The following AKAP6 variants were observed in gnomAD, a reference collection of about 807,000 sequenced individuals.
The protein encoded by AKAP6 is A-kinase anchoring protein 6, also known as A-kinase anchor protein 6.
In AKAP6, 58 loss-of-function variants were observed where a neutral mutation model predicts 188.5. The observed-to-expected ratio is 0.31, with a 90% CI of 0.25 to 0.38. AKAP6 has a LOEUF of 0.38. AKAP6 is among the 10% of genes least tolerant of loss of function. The pLI is 1.00. For synonymous variants in AKAP6, 989 were observed against 998.6 expected (o/e 0.99, Z 0.18); for missense variants, 2,710 against 2,740.0 (o/e 0.99, Z 0.24).
In AKAP6 at chr14:32,600,760, G is replaced by A; in HGVS notation, c.2698G>A (p.Val900Met). ...KAEILATDVS[V>M]EDEEGTGSPK... ...CGAGATACTGGCTACTGATGTGTCT[G>A]TGGAGGATGAGGAAGGGACTGGAAG... Residue 900 changes from valine to methionine, a missense_variant, in exon 7 of 14, where the codon GTG becomes ATG. Around this residue, in one of 2 missense-constraint regions of AKAP6, gnomAD observed 2,473 missense variants for 2,426.1 expected, o/e 1.02. Transcript: ENST00000280979. 3 of 1,611,838 alleles carry A rather than the reference G, an allele frequency of 1.9e-6. No homozygotes were observed. Among genetic ancestry groups the A allele is most frequent in the Non-Finnish European group, 2.5e-6 (3 of 1,179,008 alleles).
chr14:32,441,062 C>T (rs1048169061), intron 2 of AKAP6, among the ~76,000 whole-genome samples: 1 of 152,168 alleles, frequency 6.6e-6, no homozygotes, highest in Non-Finnish European at 1.5e-5. Context: ...TAAGCTCTCA[C>T]CAGACACAGA....
intron 12 of AKAP6, among the ~76,000 whole-genome samples, chr14:32,775,213 GATTATT>G (rs930320257): frequency 1.9e-4 from 29 of 152,076 alleles, no homozygotes; most frequent in Admixed American, 6.6e-5. Context: ...GGGCAGATGA[GATTATT>G]ATTATTACTT....
At chr14:32,337,035 A>ATCTGTTTT (rs1886727253) in intron 1 of AKAP6, among the ~76,000 whole-genome samples, 3 of 152,332 alleles carry the variant, frequency 2.0e-5, no homozygotes, top group African/African-American at 7.2e-5. Flanking sequence ...CTTGTATTTA[A>ATCTGTTTT]TCTGTTTTTG....
At chr14:32,637,561 A>C (rs1166071957) in intron 7 of AKAP6, among the ~76,000 whole-genome samples, 1 of 152,074 alleles carries the variant, frequency 6.6e-6, no homozygotes, top group Non-Finnish European at 1.5e-5. Flanking sequence ...ATGTGCAATC[A>C]AGTCAAGAGT....
At chr14:32,584,219 C>A (rs1885121910) in intron 5 of AKAP6, among the ~76,000 whole-genome samples, 1 of 152,176 alleles carries the variant, frequency 6.6e-6, no homozygotes, top group Non-Finnish European at 1.5e-5. Flanking sequence ...TCAGATAGCA[C>A]CACACCTCAT....
intron 12 of AKAP6, among the ~76,000 whole-genome samples, chr14:32,784,983 ATGAT>A (rs2033358246): frequency 6.6e-6 from 1 of 152,056 alleles, no homozygotes; most frequent in Non-Finnish European, 1.5e-5. Context: ...AATCATATAA[ATGAT>A]TGATAGCACA....
At chr14:32,376,984 C>G (rs1332870045) in intron 1 of AKAP6, among the ~76,000 whole-genome samples, 3 of 152,184 alleles carry the variant, frequency 2.0e-5, no homozygotes, top group African/African-American at 4.8e-5. Flanking sequence ...CATGAGCCAC[C>G]GCGCCCAGCC....
intron 11 of AKAP6, among the ~76,000 whole-genome samples, chr14:32,738,577 C>T (rs1462625352): frequency 6.6e-6 from 1 of 151,988 alleles, no homozygotes; most frequent in African/African-American, 2.4e-5. Flanking sequence ...ATTATGATGA[C>T]CTTCTTATAT....
intron 1 of AKAP6, among the ~76,000 whole-genome samples, chr14:32,382,002 T>C (rs1412953685): frequency 6.6e-6 from 1 of 152,238 alleles, no homozygotes; most frequent in Admixed American, 6.5e-5. Flanking sequence ...GGTGGAGTCC[T>C]GACTTATCTT....
chr14:32,721,462 T>C (rs1230437792), intron 9 of AKAP6, among the ~76,000 whole-genome samples: 1 of 152,202 alleles, frequency 6.6e-6, no homozygotes, highest in Non-Finnish European at 1.5e-5. Context: ...CCTAACCACA[T>C]AAATTCTATA....
intron 7 of AKAP6, among the ~76,000 whole-genome samples, chr14:32,620,333 T>C (rs1300994761): frequency 6.6e-6 from 1 of 152,140 alleles, no homozygotes; most frequent in Non-Finnish European, 1.5e-5. Flanking sequence ...TTCTGCGACA[T>C]GTTCCTTCTA....
chr14:32,364,413 A>G (rs780343311), intron 1 of AKAP6, among the ~76,000 whole-genome samples: 2 of 152,134 alleles, frequency 1.3e-5, no homozygotes, highest in Non-Finnish European at 2.9e-5. Context: ...AGAGTAGTCT[A>G]TCTGACTGTA....
At chr14:32,729,174 C>G (rs2031041419) in intron 9 of AKAP6, among the ~76,000 whole-genome samples, 1 of 152,030 alleles carries the variant, frequency 6.6e-6, no homozygotes, top group Admixed American at 6.6e-5. Flanking sequence ...ATACCAGTTT[C>G]AAAATGGCTT....
intron 2 of AKAP6, among the ~76,000 whole-genome samples, chr14:32,470,111 C>T (rs1020961911): frequency 6.6e-6 from 1 of 152,162 alleles, no homozygotes; most frequent in African/African-American, 2.4e-5. Context: ...CCACCCTCAA[C>T]AGAATCTTCA....
chr14:32,627,832 A>AT (rs966928081), intron 7 of AKAP6, among the ~76,000 whole-genome samples: 18 of 151,084 alleles, frequency 1.2e-4, no homozygotes, highest in East Asian at 5.8e-4. Flanking sequence ...TTAAGCTTTC[A>AT]TTTTTTTTTC....
At chr14:32,756,521 G>A (rs966361329) in intron 11 of AKAP6, among the ~76,000 whole-genome samples, 1 of 151,990 alleles carries the variant, frequency 6.6e-6, no homozygotes, top group African/African-American at 2.4e-5. Flanking sequence ...TCCATGAGGC[G>A]TTGGTCTGGA....
chr14:32,735,626 T>G, intron 10 of AKAP6, 32 bp from the exon 11 acceptor site: 1 of 1,484,250 alleles, frequency 6.7e-7, no homozygotes, highest in Non-Finnish European at 9.1e-7. Context: ...GTTTGTTTGT[T>G]TTATTTTTTG....
intron 12 of AKAP6, among the ~76,000 whole-genome samples, chr14:32,794,250 T>C (rs2033697359): frequency 1.3e-5 from 2 of 152,060 alleles, no homozygotes; most frequent in Non-Finnish European, 1.5e-5. Context: ...GGGTAAATAA[T>C]TAAGGCAGAA....
At chr14:32,393,734 A>C (rs1888785268) in intron 1 of AKAP6, among the ~76,000 whole-genome samples, 1 of 152,138 alleles carries the variant, frequency 6.6e-6, no homozygotes, top group African/African-American at 2.4e-5. Context: ...AAGGGCAAAT[A>C]CAGGTTCTAG....
Sources: allele counts gnomAD v4.1 joint callset (sites outside exome capture counted in the v4.1 genomes callset), GRCh38; gene constraint gnomAD v4.1.1; regional missense constraint gnomAD v4.1.1; transcripts MANE v1.5; gene names NCBI Gene and HGNC (gene_info 2026-07-23, HGNC 2026-07-21).